The following PCNX1 variants were observed in gnomAD, a reference collection of about 807,000 sequenced individuals.
PCNX1 encodes the protein pecanex-like protein 1.
A neutral mutation model predicts 242.2 loss-of-function variants in PCNX1; 78 were observed. The ratio of observed to expected loss-of-function variants is 0.32; its 90% confidence interval spans 0.27 to 0.39. The LOEUF (loss-of-function observed/expected upper bound fraction) is 0.39, where lower values mean the gene tolerates loss of function less well. PCNX1 is among the 10% of genes least tolerant of loss of function. The pLI is 1.00. For synonymous variants in PCNX1, 1,024 were observed against 1,032.9 expected (o/e 0.99, Z 0.17); for missense variants, 2,581 against 2,856.5 (o/e 0.90, Z 2.20).
chr14:71,099,380 G>C (rs566068449), intron 30 of PCNX1, among the ~76,000 whole-genome samples: 1 of 151,246 alleles, frequency 6.6e-6, no homozygotes, highest in Non-Finnish European at 1.5e-5. Flanking sequence ...GGATGGTCTC[G>C]ATCTCCTGAC....
intron 35 of PCNX1, 35 bp downstream of exon 35, chr14:71,109,627 T>TG: frequency 6.2e-7 from 1 of 1,612,176 alleles, no homozygotes; most frequent in Non-Finnish European, 8.5e-7. Context: ...TCTGGGGCTC[T>TG]GCCTTTTTTG....
intron 28 of PCNX1, among the ~76,000 whole-genome samples, chr14:71,080,543 T>C (rs1447405418): frequency 6.6e-6 from 1 of 152,242 alleles, no homozygotes; most frequent in Admixed American, 6.5e-5. Flanking sequence ...TCCTCTCTTA[T>C]TTCCTTGAGC....
intron 29 of PCNX1, 136 bp from the exon 30 acceptor site, chr14:71,089,056 G>T: frequency 1.6e-6 from 1 of 623,028 alleles, no homozygotes; most frequent in East Asian, 2.9e-5. Flanking sequence ...TTCTGGTTCA[G>T]GGTTCTGACA....
intron 32 of PCNX1, among the ~76,000 whole-genome samples, chr14:71,104,156 A>G (rs567123070): frequency 5.9e-5 from 9 of 152,330 alleles, no homozygotes; most frequent in African/African-American, 2.2e-4. Context: ...TCTGAAATCT[A>G]CAGTGTTTTC....
Position 70,978,204 on chromosome 14 carries a change from G to A in PCNX1, c.1867G>A (p.Asp623Asn). 2 of 1,614,100 alleles carry A rather than the reference G, an allele frequency of 1.2e-6. No individual in the cohort carries two copies. The highest frequency in any genetic ancestry group is 1.7e-6 in the Non-Finnish European group (2 of 1,180,004). ...SVQSAHQFSS[D>N]SSSSTTSHSC... is the part of the protein sequence containing the mutation. Reference sequence around the variant, plus strand: ...TCAGTCTGCTCACCAGTTCAGCAGTGATAGCTCTTCTAGCACCACTTCTCA... The same window carrying A: ...TCAGTCTGCTCACCAGTTCAGCAGTAATAGCTCTTCTAGCACCACTTCTCA... Residue 623 changes from aspartate to asparagine, a missense_variant, in exon 6 of 36, where the codon GAT becomes AAT. Coordinates refer to ENST00000304743, the MANE Select transcript of PCNX1 (RefSeq NM_014982.3).
chr14:70,938,430 A>G (rs1324706669), intron 1 of PCNX1, among the ~76,000 whole-genome samples: 4 of 152,196 alleles, frequency 2.6e-5, no homozygotes, highest in Non-Finnish European at 5.9e-5. Flanking sequence ...GCTGGATTAC[A>G]TTTGTTGATT....
intron 1 of PCNX1, among the ~76,000 whole-genome samples, chr14:70,938,903 T>C (rs879613003): frequency 2.0e-5 from 3 of 152,240 alleles, no homozygotes; most frequent in Admixed American, 2.0e-4. Flanking sequence ...CTAGATTCTC[T>C]AGCTTATTTG....
At chr14:70,962,150 T>C in intron 2 of PCNX1, 76 bp from the exon 3 acceptor site, 12 of 927,910 alleles carry the variant, frequency 1.3e-5, no homozygotes, top group Non-Finnish European at 1.9e-5. Flanking sequence ...AAAGTATAAC[T>C]TAAAAAATTA....
chr14:70,966,101 A>G (rs1245444963), intron 3 of PCNX1, among the ~76,000 whole-genome samples: 1 of 152,166 alleles, frequency 6.6e-6, no homozygotes, highest in African/African-American at 2.4e-5. Context: ...TGGGGAATGC[A>G]TTGCATTTGG....
At chr14:70,934,314 G>C (rs1405047964) in intron 1 of PCNX1, among the ~76,000 whole-genome samples, 1 of 152,062 alleles carries the variant, frequency 6.6e-6, no homozygotes, top group African/African-American at 2.4e-5. Flanking sequence ...TAAATGGCTC[G>C]GTTTCCCAGC....
Position 71,006,533 on chromosome 14 carries a change from C to T in PCNX1, c.2630-3101C>T, listed in dbSNP as rs532547738. On this transcript the variant is annotated intron_variant, in intron 8 of 35. Transcript: ENST00000304743. ...ACATATTTCTTTGCTCTGCTTTCTA[C>T]TCTGTTTATTAGAAAAAATTAGTAT... Among the ~76,000 whole-genome samples, 33 of 152,110 alleles carry T rather than the reference C, an allele frequency of 2.2e-4. 1 individual carries two copies. The South Asian group carries it at 6.8e-3, about 32-fold the overall frequency.
intron 1 of PCNX1, among the ~76,000 whole-genome samples, chr14:70,939,355 G>A (rs1389829883): frequency 1.3e-5 from 2 of 152,186 alleles, no homozygotes; most frequent in African/African-American, 4.8e-5. Flanking sequence ...TGGTTTCAAA[G>A]AACATCTTTA....
At chr14:70,953,111 T>A (rs1303884649) in intron 2 of PCNX1, among the ~76,000 whole-genome samples, 6 of 149,272 alleles carry the variant, frequency 4.0e-5, no homozygotes, top group Non-Finnish European at 8.8e-5. Flanking sequence ...TTACAAAAAA[T>A]AAAAAATAAA....
intron 2 of PCNX1, among the ~76,000 whole-genome samples, chr14:70,952,230 T>C (rs187123145): frequency 6.6e-6 from 1 of 152,346 alleles, no homozygotes; most frequent in Admixed American, 6.5e-5. Flanking sequence ...ATATTTGTCA[T>C]TGCTTCTGAA....
chr14:70,948,082 A>C (rs947899618), intron 2 of PCNX1, among the ~76,000 whole-genome samples: 2 of 152,226 alleles, frequency 1.3e-5, no homozygotes, highest in East Asian at 1.9e-4. Context: ...GATGTTTATC[A>C]ATGACAATCT....
rs1594853169 is a variant in PCNX1 at position 70,907,600 on chromosome 14, C to T, written c.-251C>T. ...AAGATGGCGGCGGCTCTCAGAAGGC[C>T]GGTCTCCTCCTCTCCGCCGTCCTCC... On this transcript the variant is annotated 5_prime_UTR_variant, in exon 1 of 36. Transcript: ENST00000304743. The T allele has an allele frequency of 2.1e-5, 5 of 242,746 alleles. No homozygotes were observed. Among genetic ancestry groups the T allele is most frequent in the Non-Finnish European group, 3.8e-5 (5 of 132,310 alleles). 15.0% of individuals were successfully genotyped at this position (242,746 alleles called of 1,614,324 possible).
chr14:70,991,924 G>A (rs1489021655), intron 7 of PCNX1, among the ~76,000 whole-genome samples: 1 of 152,152 alleles, frequency 6.6e-6, no homozygotes, highest in African/African-American at 2.4e-5. Context: ...TAATGAATAT[G>A]TAAGTGACCA....
intron 28 of PCNX1, among the ~76,000 whole-genome samples, chr14:71,082,957 T>A (rs2061892694): frequency 6.6e-6 from 1 of 152,210 alleles, no homozygotes; most frequent in Admixed American, 6.5e-5. Flanking sequence ...GTCTTTACAA[T>A]TTGGTAAATT....
In PCNX1 at chr14:71,108,812, G is replaced by A. The variant is rs149648710; in HGVS notation, c.6510G>A (p.Ser2170=). ...CATCATCCATCCAATCCCGACTGTC[G>A]ATGGTGAACCAAATGGAACCCTCAG... is the stretch of plus-strand genomic sequence containing the variant. ...NLPSSIQSRL[S]MVNQMEPSGQ... Residue 2170 remains serine (S), a synonymous_variant, in exon 34 of 36, where the codon TCG becomes TCA. Coordinates refer to ENST00000304743, the MANE Select transcript of PCNX1 (RefSeq NM_014982.3). The A allele has an allele frequency of 1.6e-3, 2,526 of 1,614,086 alleles. 8 individuals are homozygous for A. The highest frequency in any genetic ancestry group is 2.0e-3 in the Non-Finnish European group (2,324 of 1,180,042).
Sources: allele counts gnomAD v4.1 joint callset (sites outside exome capture counted in the v4.1 genomes callset), GRCh38; gene constraint gnomAD v4.1.1; transcripts MANE v1.5; gene names NCBI Gene and HGNC (gene_info 2026-07-23, HGNC 2026-07-21).